Variants in VAV3 observed in about 807,000 individuals in gnomAD.
VAV3 encodes vav guanine nucleotide exchange factor 3.
Under a neutral mutation model 131.2 loss-of-function variants are expected in VAV3, and 94 were observed. The ratio of observed to expected loss-of-function variants is 0.72; its 90% confidence interval spans 0.61 to 0.85. The LOEUF (loss-of-function observed/expected upper bound fraction) is 0.85, where lower values mean the gene tolerates loss of function less well. Ranked by LOEUF, VAV3 falls within the 40% of genes least tolerant of loss-of-function variation. The probability of loss-of-function intolerance (pLI) is 0.00; values close to 1 mark genes in which losing one functional copy is unlikely to be tolerated. For synonymous variants in VAV3, 349 were observed against 342.0 expected (o/e 1.02, Z -0.22); for missense variants, 939 against 1,002.7 (o/e 0.94, Z 0.86).
chr1:107,864,124 A>G (rs1669871628), intron 2 of VAV3, among the ~76,000 whole-genome samples: 1 of 152,184 alleles, frequency 6.6e-6, no homozygotes, highest in African/African-American at 2.4e-5. Flanking sequence ...CACAACTAAG[A>G]ATCATCAAAG....
chr1:107,583,598 A>T (rs1650244993), intron 25 of VAV3, among the ~76,000 whole-genome samples: 1 of 152,096 alleles, frequency 6.6e-6, no homozygotes, highest in Non-Finnish European at 1.5e-5. Context: ...AATCACAAGC[A>T]TTCTTATATA....
intron 17 of VAV3, among the ~76,000 whole-genome samples, chr1:107,700,417 C>T (rs115007475): frequency 0.012 from 1,864 of 152,268 alleles, 32 homozygotes; most frequent in African/African-American, 0.043. Flanking sequence ...GAATTAAGTG[C>T]AGCATGCATT....
At chr1:107,927,879 GC>G in intron 1 of VAV3, among the ~76,000 whole-genome samples, 1 of 152,292 alleles carries the variant, frequency 6.6e-6, no homozygotes. Flanking sequence ...AAGGATACAA[GC>G]CTGGCTTCAC....
chr1:107,951,305 T>G (rs1364299780), intron 1 of VAV3, among the ~76,000 whole-genome samples: 1 of 152,178 alleles, frequency 6.6e-6, no homozygotes, highest in Non-Finnish European at 1.5e-5. Flanking sequence ...ACCAGTCTTA[T>G]AACATCCAAT....
At chr1:107,650,104 G>C (rs1000191524) in intron 19 of VAV3, among the ~76,000 whole-genome samples, 4 of 152,048 alleles carry the variant, frequency 2.6e-5, no homozygotes, top group African/African-American at 4.8e-5. Context: ...AGCCATATGC[G>C]TGAATGCTCT....
intron 2 of VAV3, among the ~76,000 whole-genome samples, chr1:107,784,571 T>C (rs544057643): frequency 2.0e-5 from 3 of 152,198 alleles, no homozygotes; most frequent in Non-Finnish European, 4.4e-5. Context: ...AATATCTGCA[T>C]AAATTTAGAC....
intron 15 of VAV3, among the ~76,000 whole-genome samples, chr1:107,745,010 C>A (rs781725349): frequency 6.6e-6 from 1 of 152,150 alleles, no homozygotes; most frequent in Non-Finnish European, 1.5e-5. Flanking sequence ...CATAAAAGCA[C>A]AATGGATATA....
chr1:107,887,956 C>G (rs1231707596), intron 1 of VAV3, among the ~76,000 whole-genome samples: 1 of 151,672 alleles, frequency 6.6e-6, no homozygotes, highest in Non-Finnish European at 1.5e-5. Flanking sequence ...TACAAAATAA[C>G]AATTTTTCTG....
At chr1:107,799,083 C>T (rs1165735253) in intron 2 of VAV3, among the ~76,000 whole-genome samples, 1 of 152,072 alleles carries the variant, frequency 6.6e-6, no homozygotes, top group African/African-American at 2.4e-5. Context: ...CCCAAAAATT[C>T]TTTGAGCAAT....
At chr1:107,815,048 T>C (rs1186931781) in intron 2 of VAV3, among the ~76,000 whole-genome samples, 3 of 152,222 alleles carry the variant, frequency 2.0e-5, no homozygotes, top group African/African-American at 7.2e-5. Flanking sequence ...ATCAGTTTTC[T>C]TATTTTTAAA....
intron 1 of VAV3, among the ~76,000 whole-genome samples, chr1:107,948,841 CA>C (rs199928006): frequency 3.4e-5 from 5 of 147,198 alleles, no homozygotes; most frequent in East Asian, 2.0e-4. Flanking sequence ...GACTCCATCT[CA>C]AAAAAAAAAT....
At chr1:107,772,111 A>G (rs1198896318) in intron 5 of VAV3, among the ~76,000 whole-genome samples, 1 of 152,236 alleles carries the variant, frequency 6.6e-6, no homozygotes, top group African/African-American at 2.4e-5. Context: ...AACCTAAGCA[A>G]CTGACTTTTT....
At chr1:107,836,545 A>G (rs565976906) in intron 2 of VAV3, among the ~76,000 whole-genome samples, 2 of 152,236 alleles carry the variant, frequency 1.3e-5, no homozygotes, top group Non-Finnish European at 2.9e-5. Context: ...ACAAGCTCAA[A>G]ACTAGCAGAA....
chr1:107,839,650 A>T (rs1668609948), intron 2 of VAV3, among the ~76,000 whole-genome samples: 1 of 152,146 alleles, frequency 6.6e-6, no homozygotes, highest in Non-Finnish European at 1.5e-5. Context: ...CTTAGAGCAG[A>T]CAGAATAAAA....
At chr1:107,949,741 C>T (rs1571181439) in intron 1 of VAV3, among the ~76,000 whole-genome samples, 3 of 152,228 alleles carry the variant, frequency 2.0e-5, no homozygotes, top group Admixed American at 2.0e-4. Context: ...CATGTACACA[C>T]ACAGTTCTAT....
chr1:107,682,899 T>A (rs1658750331), intron 19 of VAV3, among the ~76,000 whole-genome samples: 1 of 152,168 alleles, frequency 6.6e-6, no homozygotes, highest in Non-Finnish European at 1.5e-5. Context: ...AGGCATTGCA[T>A]AATGGATGAA....
intron 15 of VAV3, among the ~76,000 whole-genome samples, chr1:107,728,965 A>G (rs998981024): frequency 6.6e-5 from 10 of 152,204 alleles, no homozygotes; most frequent in African/African-American, 2.2e-4. Flanking sequence ...TGTTTCTTCT[A>G]GTAAATCAAA....
In VAV3 at chr1:107,819,044, T is replaced by G. The variant is rs561798284; in HGVS notation, c.322-39552A>C. Among the ~76,000 whole-genome samples the G allele has an allele frequency of 2.6e-5, 4 of 152,310 alleles. No individual in the cohort carries two copies. The East Asian group carries it at 7.7e-4, about 29-fold the overall frequency. On this transcript the variant is annotated intron_variant, in intron 2 of 26. Coordinates refer to ENST00000370056, the MANE Select transcript of VAV3 (RefSeq NM_006113.5). ...TTATCTTAAATATTAGTGATCCCTG[T>G]TTTTAACTCAAGTTTGGAAAAAAAA...
intron 20 of VAV3, among the ~76,000 whole-genome samples, chr1:107,636,910 G>A (rs557756241): frequency 6.6e-6 from 1 of 152,148 alleles, no homozygotes; most frequent in African/African-American, 2.4e-5. Flanking sequence ...ACAAATCAGT[G>A]AGCAAACACC....
Sources: allele counts gnomAD v4.1 joint callset (sites outside exome capture counted in the v4.1 genomes callset), GRCh38; gene constraint gnomAD v4.1.1; transcripts MANE v1.5; gene names NCBI Gene and HGNC (gene_info 2026-07-23, HGNC 2026-07-21).